The following PASD1 variants were observed in gnomAD, a reference collection of about 807,000 sequenced individuals.
The protein encoded by PASD1 is PAS domain containing repressor 1.
A neutral mutation model predicts 58.8 loss-of-function variants in PASD1; 13 were observed. The observed-to-expected ratio is 0.22, with a 90% CI of 0.14 to 0.35. The LOEUF is 0.35. Among genes scored for constraint, PASD1 ranks in the 10% least tolerant of loss-of-function variants. The pLI is 1.00. For synonymous variants in PASD1, 236 were observed against 216.7 expected, an observed-to-expected ratio of 1.09 and a Z score of -0.78; for missense variants, 734 against 568.3, an observed-to-expected ratio of 1.29 and a Z score of -2.96.
rs181318410 is a variant in PASD1 at position 151,581,520 on chromosome X, T to A, written c.-28+17681T>A. 7.2e-3 allele frequency among the ~76,000 whole-genome samples: 790 copies of A among 110,440 alleles called. 5 individuals carry two copies. Among genetic ancestry groups the A allele is most frequent in the South Asian group, 0.024 (61 of 2,534 alleles). On this transcript the variant is annotated intron_variant, in intron 1 of 15. Transcript: ENST00000370357. The stretch of plus-strand genomic sequence containing the variant: ...GTAGAGTATCACTTGAGCCCGGAGT[T>A]TGAGGTTGCAGTGAGCTATGATAGC...
chrX:151,581,227 C>CAAAAAAAAAAAAAAAAAAAA lies in PASD1; in HGVS notation c.-28+17395_-28+17414dup. 6.2e-3 allele frequency among the ~76,000 whole-genome samples: 195 copies of CAAAAAAAAAAAAAAAAAAAA among 31,492 alleles called. 5 individuals carry two copies. Among genetic ancestry groups the CAAAAAAAAAAAAAAAAAAAA allele is most frequent in the Non-Finnish European group, 9.2e-3 (166 of 18,063 alleles). 27.3% of individuals were successfully genotyped at this position (31,492 alleles called of 115,157 possible). A position where few individuals can be genotyped will look rare whatever the true frequency, so the allele number is the denominator to read the frequency against. ...TAGGCAACAGAGTAAAGCTCTGTAT[C>CAAAAAAAAAAAAAAAAAAAA]AAAAAAAAAAAAAAAAAAAAAAAAA... On this transcript the variant is annotated intron_variant, in intron 1 of 15. Coordinates refer to ENST00000370357, the MANE Select transcript of PASD1 (RefSeq NM_173493.3).
chrX:151,669,164 A>G (rs1354314088), intron 11 of PASD1, among the ~76,000 whole-genome samples: 3 of 64,746 alleles, frequency 4.6e-5, no homozygotes, highest in African/African-American at 1.4e-4. Flanking sequence ...TATATATACT[A>G]TATGTGTGTG....
At chrX:151,587,800 C>T (rs1413682884) in intron 1 of PASD1, among the ~76,000 whole-genome samples, 1 of 111,837 alleles carries the variant, frequency 8.9e-6, no homozygotes, top group African/African-American at 3.3e-5. Context: ...GTATGGCATG[C>T]ATATTACGTA....
At chrX:151,650,221 G>A (rs182928222) in intron 9 of PASD1, among the ~76,000 whole-genome samples, 14 of 111,498 alleles carry the variant, frequency 1.3e-4, no homozygotes, top group Admixed American at 4.8e-4. Flanking sequence ...TCATCAGCCC[G>A]TCAGTAAATA....
chrX:151,653,868 C>CTCTTTCTTTCTTTCTTTCTTTCTT (rs1222060384), intron 9 of PASD1, among the ~76,000 whole-genome samples: 3 of 16,459 alleles, frequency 1.8e-4, no homozygotes, highest in Admixed American at 9.0e-4. Flanking sequence ...CCCTCCCTCC[C>CTCTTTCTTTCTTTCTTTCTTTCTT]TCTTTCTTTC....
chrX:151,672,998 C>G (rs753739608), intron 14 of PASD1: 1 of 201,194 alleles, frequency 5.0e-6, no homozygotes, highest in South Asian at 1.4e-4. Flanking sequence ...TGTCTATGGA[C>G]AAGTCTTGTG....
intron 1 of PASD1, among the ~76,000 whole-genome samples, chrX:151,595,391 C>T (rs2013306283): frequency 9.0e-6 from 1 of 110,941 alleles, no homozygotes; most frequent in Non-Finnish European, 1.9e-5. Context: ...TGTTCTCTCC[C>T]TGGTAGTTTT....
At chrX:151,624,568 T>A (rs1468996496) in intron 7 of PASD1, among the ~76,000 whole-genome samples, 2 of 111,548 alleles carry the variant, frequency 1.8e-5, no homozygotes, top group Non-Finnish European at 3.8e-5. Flanking sequence ...CTATTAGGGT[T>A]GTAAGGAGTA....
intron 8 of PASD1, among the ~76,000 whole-genome samples, chrX:151,642,605 C>T (rs1418423057): frequency 8.9e-6 from 1 of 111,951 alleles, no homozygotes; most frequent in Non-Finnish European, 1.9e-5. Flanking sequence ...AATGCATTTT[C>T]TAATTTTTCA....
At chrX:151,659,900 T>TA (rs1569415119) in intron 10 of PASD1, 64 bp downstream of exon 10, 3 of 1,087,681 alleles carry the variant, frequency 2.8e-6, no homozygotes, top group South Asian at 2.2e-5. Context: ...CCAGGGTAGT[T>TA]ACAGTTTTTC....
chrX:151,636,424 A>G (rs991480660), intron 8 of PASD1, among the ~76,000 whole-genome samples: 8 of 111,107 alleles, frequency 7.2e-5, no homozygotes, highest in Non-Finnish European at 1.5e-4. Context: ...TAATTTGTTG[A>G]GAAATTTCTC....
intron 15 of PASD1, among the ~76,000 whole-genome samples, chrX:151,675,559 T>C (rs932246989): frequency 1.8e-5 from 2 of 112,444 alleles, no homozygotes; most frequent in Non-Finnish European, 3.8e-5. Context: ...TTGTATCTAT[T>C]CCTTCTCCCT....
chrX:151,672,373 T>G lies in PASD1; in HGVS notation c.1628T>G (p.Leu543Arg). Reference protein sequence around the residue: ...QEQRRQKKKKLQERKKWQGQM... With the variant: ...QEQRRQKKKKRQERKKWQGQM... The stretch of plus-strand genomic sequence containing the variant: ...CAGAGGCGGCAAAAGAAGAAGAAGC[T>G]ACAGGAGCGGAAGAAGTGGCAGGGG... The change falls in exon 14 of 16, where the codon CTA (leucine) becomes CGA (arginine). Residue 543 changes from leucine (L) to arginine (R), a missense_variant. Physicochemically the swap from Leu to Arg is moderately radical, Grantham distance 102. Transcript: ENST00000370357. The G allele has an allele frequency of 1.7e-6, 2 of 1,203,264 alleles. No individual in the cohort carries two copies. The highest frequency in any genetic ancestry group is 2.2e-6 in the Non-Finnish European group (2 of 891,199).
chrX:151,660,016 G>A (rs1473727814), intron 10 of PASD1, among the ~76,000 whole-genome samples, 180 bp downstream of exon 10: 1 of 112,276 alleles, frequency 8.9e-6, no homozygotes, highest in Non-Finnish European at 1.9e-5. Flanking sequence ...ATAAAAATGA[G>A]TATTTCATCA....
At chrX:151,663,410 G>A (rs964640339) in intron 10 of PASD1, among the ~76,000 whole-genome samples, 3 of 111,957 alleles carry the variant, frequency 2.7e-5, no homozygotes, top group African/African-American at 9.7e-5. Context: ...GAGTAATACT[G>A]CATCTTATGA....
chrX:151,667,545 A>G (rs1230410419), intron 11 of PASD1, among the ~76,000 whole-genome samples: 2 of 112,134 alleles, frequency 1.8e-5, no homozygotes, highest in African/African-American at 6.5e-5. Flanking sequence ...TCCATCTTGA[A>G]TTAATTTTTG....
At chrX:151,645,703 A>G (rs1207339548) in intron 8 of PASD1, 2 of 111,659 alleles carry the variant, frequency 1.8e-5, no homozygotes, top group African/African-American at 6.5e-5. Flanking sequence ...TACAATTTGG[A>G]CAAAGAAAGT....
intron 1 of PASD1, among the ~76,000 whole-genome samples, chrX:151,599,775 C>T (rs1424863080): frequency 1.9e-5 from 2 of 107,966 alleles, no homozygotes; most frequent in Non-Finnish European, 3.9e-5. Context: ...CTCCTCACTT[C>T]CCAGACTGGG....
chrX:151,628,809 A>C (rs760912051), intron 8 of PASD1, among the ~76,000 whole-genome samples: 184 of 111,895 alleles, frequency 1.6e-3, no homozygotes, highest in African/African-American at 5.6e-3. Context: ...AATATTGATT[A>C]TTCCTACCCA....
Sources: allele counts gnomAD v4.1 joint callset (sites outside exome capture counted in the v4.1 genomes callset), GRCh38; gene constraint gnomAD v4.1.1; transcripts MANE v1.5; gene names NCBI Gene and HGNC (gene_info 2026-07-23, HGNC 2026-07-21).